Variants in TNR observed in about 807,000 individuals in gnomAD.
TNR encodes the protein tenascin R.
In TNR, 45 loss-of-function variants were observed where a neutral mutation model predicts 150.4. The ratio of observed to expected loss-of-function variants is 0.30; its 90% CI spans 0.24 to 0.38. The LOEUF is 0.38. Among genes scored for constraint, TNR ranks in the 10% least tolerant of loss-of-function variants. The pLI is 1.00. For missense variants in TNR, 1,544 were observed against 1,759.1 expected, an observed-to-expected ratio of 0.88 and a Z score of 2.19; for synonymous variants, 687 against 678.4, an observed-to-expected ratio of 1.01 and a Z score of -0.20.
At chr1:175,376,859 A>G (rs11586234) in intron 9 of TNR, among the ~76,000 whole-genome samples, 19,141 of 92,400 alleles carry the variant, frequency 0.21, 1,886 homozygotes, top group African/African-American at 0.37. Flanking sequence ...TAAATGTAAT[A>G]TTATATATAT....
intron 1 of TNR, among the ~76,000 whole-genome samples, chr1:175,567,452 C>T (rs893545055): frequency 6.6e-6 from 1 of 152,140 alleles, no homozygotes; most frequent in African/African-American, 2.4e-5. Flanking sequence ...TGCAGCAGAA[C>T]CTTGTGCCAT....
intron 1 of TNR, among the ~76,000 whole-genome samples, chr1:175,626,316 G>A (rs562501736): frequency 2.4e-4 from 37 of 152,162 alleles, no homozygotes; most frequent in Admixed American, 1.4e-3. Flanking sequence ...AACTATGATC[G>A]TGCAAAGGTC....
intron 1 of TNR, among the ~76,000 whole-genome samples, chr1:175,577,076 T>C (rs1662147405): frequency 6.6e-6 from 1 of 152,100 alleles, no homozygotes; most frequent in Non-Finnish European, 1.5e-5. Context: ...TTAGAGACCT[T>C]GTGTTATTCT....
intron 2 of TNR, among the ~76,000 whole-genome samples, chr1:175,487,904 T>C (rs1356268399): frequency 1.3e-5 from 2 of 152,322 alleles, no homozygotes; most frequent in South Asian, 2.1e-4. Context: ...GATGGTACTT[T>C]GGATTTTGAA....
At chr1:175,539,756 T>A (rs1660430548) in intron 1 of TNR, among the ~76,000 whole-genome samples, 1 of 152,196 alleles carries the variant, frequency 6.6e-6, no homozygotes. Flanking sequence ...ACCCTCCAAA[T>A]CTCTGTTTCT....
At chr1:175,580,170 G>A (rs1027749303) in intron 1 of TNR, among the ~76,000 whole-genome samples, 1 of 152,168 alleles carries the variant, frequency 6.6e-6, no homozygotes, top group Non-Finnish European at 1.5e-5. Context: ...ATGAGGTGTG[G>A]CCAATTATTT....
intron 1 of TNR, among the ~76,000 whole-genome samples, chr1:175,581,686 T>C (rs1662355707): frequency 6.6e-6 from 1 of 152,200 alleles, no homozygotes; most frequent in Admixed American, 6.5e-5. Context: ...TTCTTACCTT[T>C]TGAGAGTTCC....
chr1:175,696,642 G>A (rs1666534264), intron 1 of TNR, among the ~76,000 whole-genome samples: 1 of 152,184 alleles, frequency 6.6e-6, no homozygotes, highest in Admixed American at 6.5e-5. Flanking sequence ...AACTTTGGGA[G>A]GCCAAGGCAG....
At chr1:175,547,149 C>T (rs1351773489) in intron 1 of TNR, among the ~76,000 whole-genome samples, 1 of 152,202 alleles carries the variant, frequency 6.6e-6, no homozygotes, top group Admixed American at 6.5e-5. Flanking sequence ...GGCCCCTTTG[C>T]CTCTTGCAAG....
chr1:175,597,301 A>T (rs1663048460), intron 1 of TNR, among the ~76,000 whole-genome samples: 1 of 152,196 alleles, frequency 6.6e-6, no homozygotes, highest in Non-Finnish European at 1.5e-5. Flanking sequence ...ACTGGTCTGC[A>T]GGATGCTTGA....
chr1:175,607,725 G>A (rs1303810997), intron 1 of TNR, among the ~76,000 whole-genome samples: 2 of 152,218 alleles, frequency 1.3e-5, no homozygotes, highest in African/African-American at 2.4e-5. Flanking sequence ...AACAGTGATG[G>A]AGTTAAGCTC....
intron 1 of TNR, among the ~76,000 whole-genome samples, chr1:175,651,641 G>A (rs1426332730): frequency 6.6e-6 from 1 of 151,996 alleles, no homozygotes; most frequent in Admixed American, 6.6e-5. Flanking sequence ...CATTCTGGTA[G>A]TGTTCAAACA....
intron 2 of TNR, among the ~76,000 whole-genome samples, chr1:175,418,036 C>A (rs146035913): frequency 1.4e-5 from 2 of 147,728 alleles, no homozygotes; most frequent in Non-Finnish European, 3.1e-5. Flanking sequence ...GTGAATTATA[C>A]CTTCTAGTGC....
intron 1 of TNR, among the ~76,000 whole-genome samples, chr1:175,602,866 G>A (rs188833605): frequency 5.9e-5 from 9 of 152,154 alleles, no homozygotes; most frequent in East Asian, 5.8e-4. Flanking sequence ...TCCAATAAAC[G>A]GGGAGAAACT....
intron 1 of TNR, among the ~76,000 whole-genome samples, chr1:175,563,898 C>G (rs1399877199): frequency 6.6e-6 from 1 of 152,188 alleles, no homozygotes; most frequent in East Asian, 1.9e-4. Context: ...AGTGCTTTCT[C>G]TAAGGCTCAC....
At chr1:175,428,878 TATCCAGGGATAGA>T (rs1557928626) in intron 2 of TNR, among the ~76,000 whole-genome samples, 1 of 152,248 alleles carries the variant, frequency 6.6e-6, no homozygotes, top group Non-Finnish European at 1.5e-5. Context: ...ATTAACTGGA[TATCCAGGGATAGA>T]ATCCATTCTG....
chr1:175,499,399 T>C (rs1289002389), intron 2 of TNR, among the ~76,000 whole-genome samples: 1 of 152,190 alleles, frequency 6.6e-6, no homozygotes, highest in East Asian at 1.9e-4. Flanking sequence ...GCAAGGCTGA[T>C]GGGAGATGAC....
intron 2 of TNR, among the ~76,000 whole-genome samples, chr1:175,482,520 A>G (rs1305613322): frequency 1.3e-5 from 2 of 152,244 alleles, no homozygotes; most frequent in Non-Finnish European, 2.9e-5. Context: ...ATAAGCTCAT[A>G]TGCTACCACA....
intron 1 of TNR, among the ~76,000 whole-genome samples, chr1:175,700,976 C>A (rs1257101277): frequency 6.6e-6 from 1 of 152,234 alleles, no homozygotes; most frequent in Non-Finnish European, 1.5e-5. Flanking sequence ...CAGCCCCTGC[C>A]AGTTTGTACT....
Sources: allele counts gnomAD v4.1 joint callset (sites outside exome capture counted in the v4.1 genomes callset), GRCh38; gene constraint gnomAD v4.1.1; transcripts MANE v1.5; gene names NCBI Gene and HGNC (gene_info 2026-07-23, HGNC 2026-07-21).